IGF1R: variants seen among roughly 807,000 people sequenced by gnomAD.
The protein encoded by IGF1R is insulin-like growth factor 1 receptor.
In IGF1R, 44 loss-of-function variants were observed where a neutral mutation model predicts 144.6. The ratio of observed to expected loss-of-function variants is 0.30; its 90% CI spans 0.24 to 0.39. The LOEUF (loss-of-function observed/expected upper bound fraction) is 0.39, where lower values mean the gene tolerates loss of function less well. IGF1R is among the 10% of genes least tolerant of loss of function. The probability of loss-of-function intolerance (pLI) is 1.00; values close to 1 mark genes in which losing one functional copy is unlikely to be tolerated. For synonymous variants in IGF1R, 795 were observed against 722.8 expected, an observed-to-expected ratio of 1.10 and a Z score of -1.60; for missense variants, 1,355 against 1,833.7, an observed-to-expected ratio of 0.74 and a Z score of 4.77.
chr15:98,829,369 A>T (rs1047965530), intron 2 of IGF1R, among the ~76,000 whole-genome samples: 4 of 46,924 alleles, frequency 8.5e-5, no homozygotes, highest in South Asian at 1.5e-3. Flanking sequence ...CTATTACTTT[A>T]AAAAAAAAAA....
In IGF1R at chr15:98,649,610, C is replaced by G. The variant is rs749124908; in HGVS notation, c.29C>G (p.Pro10Arg). Residue 10 changes from proline (P) to arginine (R), a missense_variant, in exon 1 of 21, where the codon CCG (proline) becomes CGG (arginine). Physicochemically the swap from Pro to Arg is moderately radical, Grantham distance 103. Transcript: ENST00000650285. ...AAGTCTGGCTCCGGAGGAGGGTCCC[C>G]GACCTCGCTGTGGGGGCTCCTGTTT... is the stretch of plus-strand genomic sequence containing the variant. MKSGSGGGS[P>R]TSLWGLLFLS... is the part of the protein sequence containing the mutation. 7 of 1,609,296 alleles carry G rather than the reference C, an allele frequency of 4.3e-6. No individual in the cohort carries two copies. Among genetic ancestry groups the G allele is most frequent in the Middle Eastern group, 1.7e-4 (1 of 6,042 alleles).
At chr15:98,801,525 G>A (rs971521592) in intron 2 of IGF1R, among the ~76,000 whole-genome samples, 5 of 152,332 alleles carry the variant, frequency 3.3e-5, no homozygotes, top group East Asian at 3.9e-4. Context: ...TTTGAGGCCC[G>A]GAAGAGGCCT....
At chr15:98,835,775 G>A (rs1167743091) in intron 2 of IGF1R, among the ~76,000 whole-genome samples, 1 of 152,162 alleles carries the variant, frequency 6.6e-6, no homozygotes. Flanking sequence ...GTAAAATGAA[G>A]CCTCTGCATC....
In IGF1R at chr15:98,899,478, T is replaced by C. The variant is rs1277412120; in HGVS notation, c.1104T>C (p.Asn368=). ...TGACACAATCCCCTTTCAATGTAGA[T>C]AACATTGCTTCAGAGCTGGAGAACT... is the stretch of plus-strand genomic sequence containing the variant. ...GNLLINIRRG[N]NIASELENFM... Residue 368 remains asparagine, a splice_region_variant and synonymous_variant, in exon 5 of 21, where the codon AAT becomes AAC. Coordinates refer to ENST00000650285, the MANE Select transcript of IGF1R (RefSeq NM_000875.5). 3.7e-6 allele frequency: 6 copies of C among 1,613,800 alleles called. No homozygotes were observed. Among genetic ancestry groups the C allele is most frequent in the Non-Finnish European group, 5.1e-6 (6 of 1,179,694 alleles).
At chr15:98,829,046 A>G (rs2056953322) in intron 2 of IGF1R, among the ~76,000 whole-genome samples, 1 of 152,176 alleles carries the variant, frequency 6.6e-6, no homozygotes, top group South Asian at 2.1e-4. Flanking sequence ...AGGGCTTCTT[A>G]GGATACTGCT....
intron 2 of IGF1R, among the ~76,000 whole-genome samples, chr15:98,858,980 T>C (rs1472282970): frequency 6.6e-6 from 1 of 152,074 alleles, no homozygotes; most frequent in African/African-American, 2.4e-5. Context: ...GGTTCTGTTG[T>C]GGTTGTTCCT....
In IGF1R at chr15:98,934,925, G is replaced by C; in HGVS notation, c.3058G>C (p.Gly1020Arg). 6.2e-7 allele frequency: 1 copy of C among 1,614,118 alleles called. No individual in the cohort carries two copies. The highest frequency in any genetic ancestry group is 8.5e-7 in the Non-Finnish European group (1 of 1,180,016). The change falls in exon 16 of 21, where the codon GGT becomes CGT. Residue 1020 changes from glycine (G) to arginine (R), a missense_variant. Transcript: ENST00000650285. The stretch of plus-strand genomic sequence containing the variant: ...GATGGTCTATGAAGGAGTTGCCAAG[G>C]GTGTGGTGAAAGATGAACCTGAAAC... ...FGMVYEGVAK[G>R]VVKDEPETRV...
At chr15:98,661,956 C>CTTTTTTTTTTTTTTTTTTTTTTTTTTTT (rs869208651) in intron 1 of IGF1R, among the ~76,000 whole-genome samples, 5 of 105,720 alleles carry the variant, frequency 4.7e-5, no homozygotes, top group African/African-American at 2.2e-4. Context: ...GAATAGGGCC[C>CTTTTTTTTTTTTTTTTTTTTTTTTTTTT]TTTTTTTTTT....
chr15:98,694,344 G>A (rs536048962), intron 1 of IGF1R, among the ~76,000 whole-genome samples: 6 of 152,202 alleles, frequency 3.9e-5, no homozygotes, highest in Admixed American at 1.3e-4. Context: ...AATCCTCCAC[G>A]ACAATCCATT....
At chr15:98,875,349 C>CTTTT (rs34303390) in intron 2 of IGF1R, among the ~76,000 whole-genome samples, 27 of 130,204 alleles carry the variant, frequency 2.1e-4, no homozygotes, top group Non-Finnish European at 3.1e-4. Context: ...CTTTTCTTTT[C>CTTTT]TTTTTTTTTT....
At chr15:98,742,426 G>A (rs533540942) in intron 2 of IGF1R, among the ~76,000 whole-genome samples, 3 of 152,268 alleles carry the variant, frequency 2.0e-5, no homozygotes, top group Admixed American at 1.3e-4. Context: ...GCTTGTGGTG[G>A]GGGGCAAGGT....
At chr15:98,950,291 A>G (rs2016724279) in intron 20 of IGF1R, among the ~76,000 whole-genome samples, 1 of 152,118 alleles carries the variant, frequency 6.6e-6, no homozygotes, top group African/African-American at 2.4e-5. Context: ...GACAGGAGGG[A>G]ATGAGGGCTC....
intron 2 of IGF1R, among the ~76,000 whole-genome samples, chr15:98,766,511 A>C (rs1329275209): frequency 1.3e-5 from 2 of 152,222 alleles, no homozygotes; most frequent in African/African-American, 2.4e-5. Context: ...TTATACTGCA[A>C]GGGTCATCCT....
intron 2 of IGF1R, among the ~76,000 whole-genome samples, chr15:98,752,373 GTGTTTATT>G (rs1403476708): frequency 1.3e-5 from 2 of 152,144 alleles, no homozygotes; most frequent in Non-Finnish European, 2.9e-5. Context: ...AAAGAATAGA[GTGTTTATT>G]AACGAAAATA....
chr15:98,926,783 T>C (rs2015738084), intron 13 of IGF1R, among the ~76,000 whole-genome samples: 1 of 152,196 alleles, frequency 6.6e-6, no homozygotes, highest in East Asian at 1.9e-4. Flanking sequence ...AATGGATGTT[T>C]AGGCAGATAA....
intron 2 of IGF1R, among the ~76,000 whole-genome samples, chr15:98,851,705 G>A (rs1224111191): frequency 6.6e-6 from 1 of 152,216 alleles, no homozygotes; most frequent in African/African-American, 2.4e-5. Context: ...CCAGAATGAG[G>A]AATGGGTTGT....
At chr15:98,931,196 C>CA (rs1387038388) in intron 15 of IGF1R, among the ~76,000 whole-genome samples, 15 of 152,242 alleles carry the variant, frequency 9.9e-5, no homozygotes, top group African/African-American at 3.4e-4. Flanking sequence ...GTCCCCCGGG[C>CA]AGGCAAGGAA....
chr15:98,766,392 C>T (rs1310206480), intron 2 of IGF1R, among the ~76,000 whole-genome samples: 3 of 152,174 alleles, frequency 2.0e-5, no homozygotes, highest in South Asian at 2.1e-4. Context: ...CTCCATTTTT[C>T]GCTTAATGGA....
intron 2 of IGF1R, among the ~76,000 whole-genome samples, chr15:98,858,051 CTGAG>C (rs1162367564): frequency 1.3e-5 from 2 of 152,210 alleles, no homozygotes; most frequent in East Asian, 3.8e-4. Context: ...TCTTCTGTAA[CTGAG>C]TATCAGCGGA....
Sources: gnomAD v4.1 joint callset for allele counts (sites outside exome capture counted in the v4.1 genomes callset) on GRCh38, gnomAD v4.1.1 for gene constraint, MANE v1.5 for transcripts, NCBI Gene and HGNC (gene_info 2026-07-23, HGNC 2026-07-21) for gene names.